Variants in ASCC3 observed in about 807,000 individuals in gnomAD.
ASCC3 encodes activating signal cointegrator 1 complex subunit 3, also known as ASC-1 complex subunit P200.
ASCC3 carries 158 observed loss-of-function variants against 256.3 expected under a neutral mutation model. The observed-to-expected ratio is 0.62, with a 90% confidence interval of 0.54 to 0.70. ASCC3 has a LOEUF of 0.70. ASCC3 is among the 30% of genes least tolerant of loss of function. The pLI is 0.00. For missense variants in ASCC3, 2,259 were observed against 2,626.0 expected (o/e 0.86, Z 3.05); for synonymous variants, 948 against 883.4 (o/e 1.07, Z -1.30).
rs542624084 is a variant in ASCC3, at chr6:100,535,338, G to C, written c.5775+4825C>G. On this transcript the variant is annotated intron_variant, in intron 37 of 41. Coordinates refer to ENST00000369162, the MANE Select transcript of ASCC3 (RefSeq NM_006828.4). ...GGCACAGAATTAGAACTGCCAATCA[G>C]TCATTTTCTCCAAGTTTCCCATTGG... Among the ~76,000 whole-genome samples the C allele has an allele frequency of 2.4e-3, 358 of 152,126 alleles. 2 individuals are homozygous for C. The highest frequency in any genetic ancestry group is 3.4e-3 in the Middle Eastern group (1 of 294).
chr6:100,587,412 CAT>C (rs2114766504), intron 36 of ASCC3, among the ~76,000 whole-genome samples: 2 of 152,162 alleles, frequency 1.3e-5, no homozygotes, highest in East Asian at 3.9e-4. Flanking sequence ...GGTAGCTACA[CAT>C]AGTGTTCAAT....
At chr6:100,850,701 T>C (rs1428886817) in intron 3 of ASCC3, among the ~76,000 whole-genome samples, 2 of 152,236 alleles carry the variant, frequency 1.3e-5, no homozygotes, top group African/African-American at 2.4e-5. Context: ...CTACTTTTAC[T>C]GTTATAATTT....
At chr6:100,711,011 G>A (rs2115014205) in intron 13 of ASCC3, among the ~76,000 whole-genome samples, 1 of 152,098 alleles carries the variant, frequency 6.6e-6, no homozygotes, top group Admixed American at 6.5e-5. Context: ...AATAGTCTAT[G>A]TTTATTTATG....
chr6:100,583,228 C>T (rs574034791), intron 36 of ASCC3, among the ~76,000 whole-genome samples: 14 of 152,086 alleles, frequency 9.2e-5, no homozygotes, highest in East Asian at 5.8e-4. Context: ...GACTCTTTTT[C>T]GTTGGTAAGC....
At chr6:100,536,304 G>T (rs1775158655) in intron 37 of ASCC3, among the ~76,000 whole-genome samples, 1 of 152,160 alleles carries the variant, frequency 6.6e-6, no homozygotes, top group African/African-American at 2.4e-5. Flanking sequence ...GTCTTAGATT[G>T]AAATAAGAGG....
At chr6:100,802,461 C>T (rs891172059) in intron 5 of ASCC3, among the ~76,000 whole-genome samples, 31 of 152,088 alleles carry the variant, frequency 2.0e-4, no homozygotes, top group Non-Finnish European at 7.4e-5. Flanking sequence ...GCTTCATGTA[C>T]ATCCTGCAGA....
chr6:100,589,767 T>C lies in ASCC3; in HGVS notation c.5417A>G (p.Asp1806Gly). ...ELSYCIEIGEDNRSIEPLTYG... is the reference protein window; with the variant it reads ...ELSYCIEIGEGNRSIEPLTYG... ...AGTTAGAGGTTCAATGCTGCGATTA[T>C]CCTATTTCAAAAGAATAACAAATGA... Residue 1806 changes from aspartate (D) to glycine (G), a missense_variant and splice_region_variant, in exon 36 of 42, where the codon GAT becomes GGT. Physicochemically the swap from Asp to Gly is moderately conservative, Grantham distance 94 (BLOSUM62 -1). This residue lies in a region of ASCC3 where 1,839 missense variants were observed against 2,206.7 expected (regional missense o/e 0.83). Transcript: ENST00000369162. The C allele has an allele frequency of 6.2e-7, 1 of 1,613,644 alleles. No homozygotes were observed. The highest frequency in any genetic ancestry group is 8.5e-7 in the Non-Finnish European group (1 of 1,179,780).
At chr6:100,821,373 C>CT (rs1009778166) in intron 4 of ASCC3, among the ~76,000 whole-genome samples, 3 of 151,038 alleles carry the variant, frequency 2.0e-5, no homozygotes, top group African/African-American at 7.3e-5. Flanking sequence ...AGGTATACAC[C>CT]TAAGAGAACT....
chr6:100,508,582 T>G lies in ASCC3; in HGVS notation c.*804A>C, dbSNP rs955952397. The G allele has an allele frequency of 1.3e-5, 2 of 152,130 alleles. No homozygotes were observed. Among genetic ancestry groups the G allele is most frequent in the African/African-American group, 4.8e-5 (2 of 41,426 alleles). The allele number at this position is 152,130 out of a possible 1,614,324, so 9.4% of individuals were successfully genotyped here. A position where few individuals can be genotyped will look rare whatever the true frequency, so the allele number is the denominator to read the frequency against. On this transcript the variant is annotated 3_prime_UTR_variant, in exon 42 of 42. Transcript: ENST00000369162. ...TATATGATCTGTAAGTGCTACAACA[T>G]GAATTAGATTATACTTCTCTACTTC... is the stretch of plus-strand genomic sequence containing the variant.
chr6:100,799,690 T>A, intron 6 of ASCC3, 118 bp from the exon 7 acceptor site: 1 of 1,062,440 alleles, frequency 9.4e-7, no homozygotes, highest in Non-Finnish European at 1.3e-6. Flanking sequence ...AAAAAGAAAT[T>A]AAACTACACA....
chr6:100,805,729 A>C, intron 5 of ASCC3, 31 bp downstream of exon 5: 1 of 1,604,630 alleles, frequency 6.2e-7, no homozygotes, highest in Non-Finnish European at 8.5e-7. Context: ...TATTTCCTTT[A>C]AATTACAATG....
intron 3 of ASCC3, among the ~76,000 whole-genome samples, chr6:100,853,178 T>C (rs879895151): frequency 2.0e-4 from 31 of 152,264 alleles, no homozygotes; most frequent in Non-Finnish European, 3.5e-4. Context: ...ACTATAAGAT[T>C]ATAAAATAAT....
chr6:100,860,009 C>T (rs1008802320), intron 3 of ASCC3, among the ~76,000 whole-genome samples: 6 of 151,936 alleles, frequency 3.9e-5, no homozygotes, highest in African/African-American at 1.4e-4. Context: ...TCTTTCTACC[C>T]ACTTGTCCAC....
chr6:100,724,673 G>A (rs1779540462), intron 11 of ASCC3, among the ~76,000 whole-genome samples: 1 of 151,792 alleles, frequency 6.6e-6, no homozygotes, highest in South Asian at 2.1e-4. Context: ...TCCTGGTTAG[G>A]GAGAGGAGGG....
In ASCC3 at chr6:100,725,690, G is replaced by A. The variant is rs775736810; in HGVS notation, c.1751C>T (p.Thr584Ile). ...EILRTQMLVTTPEKWDVVTRK... is the reference protein window; with the variant it reads ...EILRTQMLVTIPEKWDVVTRK... ...TGTCACTACATCCCATTTTTCTGGT[G>A]TGGTCACAAGCATCTATAAGAGAAG... Residue 584 changes from threonine (T) to isoleucine (I), a missense_variant, in exon 11 of 42, where the codon ACA becomes ATA. This residue lies in a region of ASCC3 where 1,839 missense variants were observed against 2,206.7 expected (regional missense o/e 0.83). Coordinates refer to ENST00000369162, the MANE Select transcript of ASCC3 (RefSeq NM_006828.4). 6.2e-7 allele frequency: 1 copy of A among 1,612,394 alleles called. No individual in the cohort carries two copies. Among genetic ancestry groups the A allele is most frequent in the East Asian group, 2.2e-5 (1 of 44,784 alleles).
chr6:100,546,819 G>T (rs1445349326), intron 36 of ASCC3, among the ~76,000 whole-genome samples: 1 of 151,954 alleles, frequency 6.6e-6, no homozygotes, highest in Non-Finnish European at 1.5e-5. Context: ...TGGAAAAACT[G>T]CCAATACCTG....
chr6:100,715,357 TAAAG>T, intron 13 of ASCC3, 101 bp downstream of exon 13: 6 of 996,114 alleles, frequency 6.0e-6, no homozygotes, highest in Non-Finnish European at 9.1e-6. Context: ...GCCTCAGAAT[TAAAG>T]AAAAATTTTC....
At chr6:100,782,975 T>G (rs762892957) in intron 8 of ASCC3, among the ~76,000 whole-genome samples, 32 of 152,028 alleles carry the variant, frequency 2.1e-4, no homozygotes, top group Non-Finnish European at 4.1e-4. Flanking sequence ...ATGTAAAGGT[T>G]GCTAGTTTTT....
chr6:100,831,445 C>T (rs1268087926), intron 4 of ASCC3, among the ~76,000 whole-genome samples: 1 of 152,082 alleles, frequency 6.6e-6, no homozygotes, highest in African/African-American at 2.4e-5. Context: ...CTAAAAGTTG[C>T]AGTAGGCTCA....
Sources: allele counts gnomAD v4.1 joint callset (sites outside exome capture counted in the v4.1 genomes callset), GRCh38; gene constraint gnomAD v4.1.1; regional missense constraint gnomAD v4.1.1; transcripts MANE v1.5; gene names NCBI Gene and HGNC (gene_info 2026-07-23, HGNC 2026-07-21).